Variants in TMOD1 observed in about 807,000 individuals in gnomAD.
TMOD1 encodes tropomodulin-1.
TMOD1 carries 17 observed loss-of-function variants against 40.6 expected under a neutral mutation model. That is an observed-to-expected ratio of 0.42 (90% confidence interval 0.29 to 0.63). The LOEUF (loss-of-function observed/expected upper bound fraction) is 0.63, where lower values mean the gene tolerates loss of function less well. Among genes scored for constraint, TMOD1 ranks in the 20% least tolerant of loss-of-function variants. TMOD1 has a pLI of 0.22. For missense variants in TMOD1, 391 were observed against 447.6 expected (o/e 0.87, Z 1.14); for synonymous variants, 181 against 175.0 (o/e 1.03, Z -0.27).
intron 9 of TMOD1, among the ~76,000 whole-genome samples, chr9:97,597,086 A>G (rs1826126421): frequency 6.6e-6 from 1 of 152,270 alleles, no homozygotes; most frequent in African/African-American, 2.4e-5. Flanking sequence ...AAATTTGGCA[A>G]GAAGTGGCAG....
rs1829529063 is a variant in TMOD1 at position 97,502,943 on chromosome 9, C to T, written c.-49+1140C>T. ...CCAACCTGCGCAGCGCCGCCCCCTC[C>T]TACACCCTTCACCCACCGCTACTAT... On this transcript the variant is annotated intron_variant, in intron 1 of 9. Coordinates refer to ENST00000259365, the MANE Select transcript of TMOD1 (RefSeq NM_003275.4). This position sits in a 1 kb window ranked among gnomAD's most constrained non-coding sequence, Gnocchi z 6.1. Among the ~76,000 whole-genome samples, 1 of 152,090 alleles carries T rather than the reference C, an allele frequency of 6.6e-6. No homozygotes were observed. Among genetic ancestry groups the T allele is most frequent in the Non-Finnish European group, 1.5e-5 (1 of 68,014 alleles).
Position 97,562,812 on chromosome 9 carries a change from G to A in TMOD1, c.478G>A (p.Gly160Arg). 6.3e-7 allele frequency: 1 copy of A among 1,583,490 alleles called. No homozygotes were observed. Among genetic ancestry groups the A allele is most frequent in the Non-Finnish European group, 8.6e-7 (1 of 1,168,758 alleles). The part of the protein sequence containing the change: ...LSSSSIMNKE[G>R]LNSVIKPTQY... ...CAGCAGCTCCATCATGAACAAGGAG[G>A]GGCTCAACAGTGAGTATGCGCCCGC... Residue 160 changes from glycine to arginine, a missense_variant, in exon 5 of 10, where the codon GGG becomes AGG. Physicochemically the swap from Gly to Arg is moderately radical, Grantham distance 125 (BLOSUM62 -2). Coordinates refer to ENST00000259365, the MANE Select transcript of TMOD1 (RefSeq NM_003275.4).
At chr9:97,524,434 C>T in intron 2 of TMOD1, 126 bp downstream of exon 2, 1 of 1,226,366 alleles carries the variant, frequency 8.2e-7, no homozygotes, top group South Asian at 1.6e-5. Flanking sequence ...ATAACTTTGC[C>T]TTTGCAGATT....
At chr9:97,549,450 G>A (rs1037412809) in intron 3 of TMOD1, among the ~76,000 whole-genome samples, 5 of 152,084 alleles carry the variant, frequency 3.3e-5, no homozygotes, top group Non-Finnish European at 7.4e-5. Flanking sequence ...ATAAACCACA[G>A]GTCTTAAATA....
intron 1 of TMOD1, among the ~76,000 whole-genome samples, chr9:97,519,952 G>A (rs1587917341): frequency 6.6e-6 from 1 of 151,988 alleles, no homozygotes. Context: ...AATACCTTAC[G>A]GGGGCGAGTA....
intron 2 of TMOD1, among the ~76,000 whole-genome samples, chr9:97,526,584 C>A (rs896467823): frequency 6.6e-6 from 1 of 152,040 alleles, no homozygotes; most frequent in Non-Finnish European, 1.5e-5. Flanking sequence ...TTTTTTTAAA[C>A]CAGCCATTGC....
chr9:97,598,740 T>G (rs1192683228), intron 9 of TMOD1, among the ~76,000 whole-genome samples: 1 of 152,198 alleles, frequency 6.6e-6, no homozygotes, highest in African/African-American at 2.4e-5. Flanking sequence ...CAGCTCGTAT[T>G]CATCGATCTG....
intron 2 of TMOD1, among the ~76,000 whole-genome samples, chr9:97,526,958 A>G (rs930190920): frequency 6.6e-6 from 1 of 152,122 alleles, no homozygotes; most frequent in Admixed American, 6.5e-5. Context: ...ATAGAATTAC[A>G]CATCTCTCCA....
intron 8 of TMOD1, among the ~76,000 whole-genome samples, chr9:97,584,858 T>C (rs1276899964): frequency 6.6e-6 from 1 of 152,224 alleles, no homozygotes; most frequent in Non-Finnish European, 1.5e-5. Flanking sequence ...ATTTGCTTGG[T>C]AGATCTTCCT....
At position 97,579,417 on chromosome 9, in the gene TMOD1, C is replaced by T. The variant is rs147334548; in HGVS notation, c.870+10380C>T. Among the ~76,000 whole-genome samples the T allele has an allele frequency of 3.0e-3, 459 of 152,276 alleles. 4 individuals carry two copies. The highest frequency in any genetic ancestry group is 0.01 in the African/African-American group (436 of 41,534). On this transcript the variant is annotated intron_variant, in intron 8 of 9. Coordinates refer to ENST00000259365, the MANE Select transcript of TMOD1 (RefSeq NM_003275.4). The stretch of plus-strand genomic sequence containing the variant: ...TGGAACTGTTCCATATCTGCATTAA[C>T]CAACATGGTAGTCTCCAGCCAGTGG...
chr9:97,542,774 C>T (rs149138017), intron 2 of TMOD1, among the ~76,000 whole-genome samples: 104 of 149,630 alleles, frequency 7.0e-4, no homozygotes, highest in African/African-American at 2.3e-3. Context: ...TGCTTGAACC[C>T]GGGAGGCAGA....
rs1210846695 is a variant in TMOD1, at chr9:97,601,115, C to G, written c.*1417C>G. 1 of 1,304,190 alleles carries G rather than the reference C, an allele frequency of 7.7e-7. No homozygotes were observed. Among genetic ancestry groups the G allele is most frequent in the Admixed American group, 2.3e-5 (1 of 43,550 alleles). 80.8% of individuals were successfully genotyped at this position (1,304,190 alleles called of 1,614,324 possible). On this transcript the variant is annotated 3_prime_UTR_variant, in exon 10 of 10. Transcript: ENST00000259365. ...CCTCAGCGCTATGGAAGAGTGTCCA[C>G]TGAGGCTGCACATGGCCCAGGAGTG...
At chr9:97,550,668 C>G (rs988215011) in intron 3 of TMOD1, among the ~76,000 whole-genome samples, 1 of 152,062 alleles carries the variant, frequency 6.6e-6, no homozygotes, top group African/African-American at 2.4e-5. Context: ...TATGTATATC[C>G]TCTTTGGAGA....
intron 2 of TMOD1, among the ~76,000 whole-genome samples, chr9:97,539,005 A>AAAAAC (rs372211723): frequency 3.6e-4 from 55 of 152,064 alleles, no homozygotes; most frequent in East Asian, 1.4e-3. Context: ...ACTCCATCTC[A>AAAAAC]AAAACAAAAC....
rs150690658 is a variant in TMOD1, at chr9:97,515,886, A to G, written c.-48-8255A>G. Among the ~76,000 whole-genome samples, 1,447 of 152,298 alleles carry G rather than the reference A, an allele frequency of 9.5e-3. 21 individuals carry two copies. Among genetic ancestry groups the G allele is most frequent in the African/African-American group, 0.034 (1,404 of 41,568 alleles). ...CAGGTGACAACACGCCCCCGGGGAC[A>G]TGAAACTGCAAGCATAAAAGTAGTT... On this transcript the variant is annotated intron_variant, in intron 1 of 9. Transcript: ENST00000259365.
intron 8 of TMOD1, among the ~76,000 whole-genome samples, chr9:97,578,021 C>T (rs1825650891): frequency 6.6e-6 from 1 of 152,042 alleles, no homozygotes; most frequent in South Asian, 2.1e-4. Context: ...TCTCAGGGTC[C>T]CCGGAGTCAG....
intron 2 of TMOD1, among the ~76,000 whole-genome samples, chr9:97,529,202 T>C (rs147235014): frequency 2.5e-3 from 382 of 152,298 alleles, no homozygotes; most frequent in African/African-American, 8.9e-3. Context: ...CTCTTTTTTC[T>C]GGGAAAGAGC....
At chr9:97,544,548 T>TA (rs962709520) in intron 2 of TMOD1, among the ~76,000 whole-genome samples, 4 of 149,430 alleles carry the variant, frequency 2.7e-5, no homozygotes, top group Admixed American at 2.7e-4. Context: ...AAAAAAAAAG[T>TA]AAAAAAAATT....
In TMOD1 at chr9:97,562,104, T is replaced by G. The variant is rs747878721; in HGVS notation, c.398-628T>G. ...GTGCTGGGGTGGGCCTCATTACATG[T>G]TGAACAAATGAATGGATGAAAGAAT... On this transcript the variant is annotated intron_variant, in intron 4 of 9. Transcript: ENST00000259365. Among the ~76,000 whole-genome samples, 384 of 152,250 alleles carry G rather than the reference T, an allele frequency of 2.5e-3. 2 individuals carry two copies. The highest frequency in any genetic ancestry group is 4.4e-3 in the Non-Finnish European group (302 of 68,012).
Sources: allele counts gnomAD v4.1 joint callset (sites outside exome capture counted in the v4.1 genomes callset), GRCh38; gene constraint gnomAD v4.1.1; non-coding constraint Gnocchi (gnomAD v3.1); transcripts MANE v1.5; gene names NCBI Gene and HGNC (gene_info 2026-07-23, HGNC 2026-07-21).